Variants in HPSE2 observed in about 807,000 individuals in gnomAD.
HPSE2 encodes the protein inactive heparanase-2.
A neutral mutation model predicts 60.5 loss-of-function variants in HPSE2; 38 were observed. That is an observed-to-expected ratio of 0.63 (90% CI 0.48 to 0.82). The LOEUF (loss-of-function observed/expected upper bound fraction) is 0.82, where lower values mean the gene tolerates loss of function less well. HPSE2 is among the 40% of genes least tolerant of loss of function. HPSE2 has a pLI of 0.00. For synonymous variants in HPSE2, 295 were observed against 293.2 expected (o/e 1.01, Z -0.06); for missense variants, 713 against 740.4 (o/e 0.96, Z 0.43).
intron 9 of HPSE2, among the ~76,000 whole-genome samples, chr10:98,561,157 TTTTTTTTGTTC>T (rs1297272183): frequency 7.4e-4 from 36 of 48,736 alleles, no homozygotes; most frequent in African/African-American, 1.3e-3. Context: ...ATACTGGTTT[TTTTTTTTGTTC>T]TTTTTTTTGT....
chr10:98,739,741 T>G (rs1949449253), intron 4 of HPSE2, among the ~76,000 whole-genome samples: 1 of 152,228 alleles, frequency 6.6e-6, no homozygotes, highest in Admixed American at 6.5e-5. Flanking sequence ...TAATATTGAT[T>G]CAATAATTAA....
intron 6 of HPSE2, among the ~76,000 whole-genome samples, chr10:98,677,471 A>G (rs1947674941): frequency 6.6e-6 from 1 of 152,218 alleles, no homozygotes; most frequent in African/African-American, 2.4e-5. Context: ...CTAGAAAAAA[A>G]GAAGGAAACT....
chr10:99,265,254 C>A, the HPSE2 span, among the ~76,000 whole-genome samples: 1 of 152,236 alleles, frequency 6.6e-6, no homozygotes, highest in South Asian at 2.1e-4. Flanking sequence ...CCTATAAGAA[C>A]TAATGATAAT....
chr10:98,998,933 C>A (rs1328709381), intron 3 of HPSE2, among the ~76,000 whole-genome samples: 1 of 152,148 alleles, frequency 6.6e-6, no homozygotes, highest in East Asian at 1.9e-4. Flanking sequence ...GCCCGAAGGG[C>A]AAGCCAAGTT....
chr10:99,312,918 C>G, the HPSE2 span, among the ~76,000 whole-genome samples: 1 of 152,286 alleles, frequency 6.6e-6, no homozygotes, highest in African/African-American at 2.4e-5. Context: ...ATGGGCTTCT[C>G]ATGAATGGCT....
intron 3 of HPSE2, among the ~76,000 whole-genome samples, chr10:99,115,654 A>C (rs1465261431): frequency 6.6e-6 from 1 of 152,162 alleles, no homozygotes; most frequent in African/African-American, 2.4e-5. Context: ...CAATACGTAC[A>C]GTTTTTGTAA....
chr10:98,729,709 T>C (rs1283233203), intron 4 of HPSE2, among the ~76,000 whole-genome samples: 3 of 151,792 alleles, frequency 2.0e-5, no homozygotes, highest in Admixed American at 6.6e-5. Flanking sequence ...AAAAAATAGA[T>C]TTTAAGATAA....
intron 3 of HPSE2, among the ~76,000 whole-genome samples, chr10:98,825,870 C>G (rs961332292): frequency 2.0e-5 from 3 of 152,192 alleles, no homozygotes; most frequent in Non-Finnish European, 4.4e-5. Context: ...TGGTGCCAAA[C>G]AGCTGCAGCC....
intron 3 of HPSE2, among the ~76,000 whole-genome samples, chr10:98,818,940 G>T (rs1406342201): frequency 1.3e-5 from 2 of 152,166 alleles, no homozygotes; most frequent in Non-Finnish European, 2.9e-5. Flanking sequence ...CAATTTGTAA[G>T]GTGGATAAAG....
At chr10:98,846,244 A>T (rs925176854) in intron 3 of HPSE2, among the ~76,000 whole-genome samples, 1 of 152,232 alleles carries the variant, frequency 6.6e-6, no homozygotes, top group Admixed American at 6.5e-5. Flanking sequence ...GAAATTTTTG[A>T]TAACTATGTC....
At chr10:98,545,612 T>C (rs973115882) in intron 9 of HPSE2, among the ~76,000 whole-genome samples, 1 of 152,182 alleles carries the variant, frequency 6.6e-6, no homozygotes. Flanking sequence ...CAACCCTTCA[T>C]GCTAAAAACG....
intron 6 of HPSE2, among the ~76,000 whole-genome samples, chr10:98,682,883 G>C (rs1947821445): frequency 6.6e-6 from 1 of 152,148 alleles, no homozygotes; most frequent in South Asian, 2.1e-4. Flanking sequence ...TTCCAAGAAA[G>C]CAGAGTGCTA....
intron 6 of HPSE2, among the ~76,000 whole-genome samples, chr10:98,682,089 G>A (rs752876396): frequency 5.9e-5 from 9 of 152,152 alleles, no homozygotes; most frequent in Non-Finnish European, 1.3e-4. Context: ...CTGGTGGGAG[G>A]TGACTGGATC....
At chr10:99,210,178 G>A (rs1487232173) in intron 2 of HPSE2, among the ~76,000 whole-genome samples, 1 of 152,146 alleles carries the variant, frequency 6.6e-6, no homozygotes, top group African/African-American at 2.4e-5. Flanking sequence ...CCTGGAAGAA[G>A]TGGATAAATT....
intron 2 of HPSE2, among the ~76,000 whole-genome samples, chr10:99,229,164 C>T (rs997956489): frequency 3.4e-4 from 51 of 149,410 alleles, no homozygotes; most frequent in African/African-American, 1.3e-3. Flanking sequence ...AAAGAGGAGA[C>T]TCCATATCGA....
At chr10:98,815,513 A>G (rs141937862) in intron 3 of HPSE2, among the ~76,000 whole-genome samples, 14 of 152,330 alleles carry the variant, frequency 9.2e-5, no homozygotes, top group South Asian at 2.1e-4. Flanking sequence ...GTGCTGGGAT[A>G]CAAGTACAGC....
intron 6 of HPSE2, among the ~76,000 whole-genome samples, chr10:98,663,044 T>C (rs1947266174): frequency 1.3e-5 from 2 of 152,194 alleles, no homozygotes; most frequent in Admixed American, 1.3e-4. Flanking sequence ...GAAGTAAGAC[T>C]TAATATGGGT....
intron 3 of HPSE2, among the ~76,000 whole-genome samples, chr10:99,070,520 A>G (rs1564782803): frequency 6.6e-6 from 1 of 152,238 alleles, no homozygotes; most frequent in Non-Finnish European, 1.5e-5. Context: ...AACATTTAGC[A>G]TGGCATCTAC....
chr10:99,250,627 C>G, the HPSE2 span, among the ~76,000 whole-genome samples: 1 of 152,066 alleles, frequency 6.6e-6, no homozygotes, highest in Non-Finnish European at 1.5e-5. Flanking sequence ...TCAATAAATT[C>G]AAAAAACTCA....
Sources: gnomAD v4.1 joint callset for allele counts (sites outside exome capture counted in the v4.1 genomes callset) on GRCh38, gnomAD v4.1.1 for gene constraint, MANE v1.5 for transcripts, NCBI Gene and HGNC (gene_info 2026-07-23, HGNC 2026-07-21) for gene names.